ZBED4: variants seen among roughly 807,000 people sequenced by gnomAD.
The protein encoded by ZBED4 is zinc finger BED domain-containing protein 4.
A neutral mutation model predicts 15.5 loss-of-function variants in ZBED4; 4 were observed. That is an observed-to-expected ratio of 0.26 (90% CI 0.13 to 0.59). The LOEUF is 0.59. ZBED4 is among the 20% of genes least tolerant of loss of function. ZBED4 has a pLI of 0.90. For synonymous variants in ZBED4, 692 were observed against 608.5 expected, an observed-to-expected ratio of 1.14 and a Z score of -2.02; for missense variants, 1,323 against 1,461.8, an observed-to-expected ratio of 0.91 and a Z score of 1.55.
intron 1 of ZBED4, among the ~76,000 whole-genome samples, chr22:49,879,620 T>G (rs947605459): frequency 1.4e-5 from 2 of 140,764 alleles, no homozygotes; most frequent in African/African-American, 5.0e-5. Flanking sequence ...GGTTGGTTTT[T>G]CTCCTGGTCA....
intron 1 of ZBED4, among the ~76,000 whole-genome samples, chr22:49,876,195 A>G (rs1452195408): frequency 6.6e-6 from 1 of 152,214 alleles, no homozygotes; most frequent in Non-Finnish European, 1.5e-5. Flanking sequence ...TTTATTGTCC[A>G]GAGAAGAGTC....
Position 49,885,906 on chromosome 22 carries a change from C to G in ZBED4, c.2244C>G (p.Ala748=). 2 of 1,016,778 alleles carry G rather than the reference C, an allele frequency of 2.0e-6. No homozygotes were observed. Among genetic ancestry groups the G allele is most frequent in the Non-Finnish European group, 3.1e-6 (2 of 653,630 alleles). 63.0% of individuals were successfully genotyped at this position (1,016,778 alleles called of 1,614,324 possible). Residue 748 remains alanine (A), a synonymous_variant, in exon 2 of 2, where the codon GCC becomes GCG. Transcript: ENST00000216268. ...NQTREYLTLT[A]HWVSFESPAR... ...CCCGTGAGTACCTGACCCTCACGGC[C>G]CACTGGGTTTCCTTCGAGTCGCCAG...
intron 1 of ZBED4, among the ~76,000 whole-genome samples, chr22:49,871,389 G>A (rs1020401969): frequency 9.9e-5 from 15 of 152,066 alleles, no homozygotes; most frequent in Non-Finnish European, 2.1e-4. Context: ...AGGAGGCTGA[G>A]GCAGGAGAAA....
In ZBED4 at chr22:49,885,427, G is replaced by C; in HGVS notation, c.1765G>C (p.Gly589Arg). The C allele has an allele frequency of 1.2e-6, 2 of 1,609,050 alleles. No homozygotes were observed. The highest frequency in any genetic ancestry group is 1.7e-6 in the Non-Finnish European group (2 of 1,175,734). ...CLHCGRTISR[G>R]KKPTNLGTSC... ...GCACTGTGGCCGGACCATCAGCCGG[G>C]GGAAGAAGCCGACTAACTTGGGTAC... Residue 589 changes from glycine to arginine, a missense_variant, in exon 2 of 2, where the codon GGG becomes CGG. Coordinates refer to ENST00000216268, the MANE Select transcript of ZBED4 (RefSeq NM_014838.3).
intron 1 of ZBED4, among the ~76,000 whole-genome samples, chr22:49,866,690 T>G (rs2060323677): frequency 6.6e-6 from 1 of 152,244 alleles, no homozygotes; most frequent in South Asian, 2.1e-4. Context: ...GATGTTTTTC[T>G]GCTCTTTAGT....
rs73891152 is a variant in ZBED4 at position 49,887,736 on chromosome 22, C to G, written c.*558C>G. 9 of 167,254 alleles carry G rather than the reference C, an allele frequency of 5.4e-5. No individual in the cohort carries two copies. Among genetic ancestry groups the G allele is most frequent in the Admixed American group, 5.2e-4 (8 of 15,274 alleles). The allele number at this position is 167,254 out of a possible 1,614,324, so 10.4% of individuals were successfully genotyped here. A position where few individuals can be genotyped will look rare whatever the true frequency, so the allele number is the denominator to read the frequency against. ...TATTCTGGAAGGTAACTGTTTACTACGACAGAGACGTGGCATTTGGAAACG... is the reference window on the plus strand; with the variant it reads ...TATTCTGGAAGGTAACTGTTTACTAGGACAGAGACGTGGCATTTGGAAACG... On this transcript the variant is annotated 3_prime_UTR_variant, in exon 2 of 2. Coordinates refer to ENST00000216268, the MANE Select transcript of ZBED4 (RefSeq NM_014838.3).
chr22:49,853,506 T>A (rs1282481493), upstream of ZBED4: 1 of 152,128 alleles, frequency 6.6e-6, no homozygotes, highest in Non-Finnish European at 1.5e-5. Context: ...GCCGAGCCGC[T>A]GCCAACTGCC....
At chr22:49,874,672 CTTTT>C (rs10636316) in intron 1 of ZBED4, among the ~76,000 whole-genome samples, 2 of 37,316 alleles carry the variant, frequency 5.4e-5, no homozygotes, top group Non-Finnish European at 4.4e-5. Context: ...CATGCCCAGC[CTTTT>C]TTTTTTTTTT....
At chr22:49,865,819 C>T (rs149905180) in intron 1 of ZBED4, among the ~76,000 whole-genome samples, 3 of 150,756 alleles carry the variant, frequency 2.0e-5, no homozygotes, top group Non-Finnish European at 4.4e-5. Flanking sequence ...TCATTGTGCT[C>T]GAAGGTCAGT....
chr22:49,884,366 T>C lies in ZBED4; in HGVS notation c.704T>C (p.Ile235Thr). 6.2e-7 allele frequency: 1 copy of C among 1,612,850 alleles called. No individual in the cohort carries two copies. The highest frequency in any genetic ancestry group is 8.5e-7 in the Non-Finnish European group (1 of 1,179,406). Residue 235 changes from isoleucine (I) to threonine (T), a missense_variant, in exon 2 of 2, where the codon ATC becomes ACC. Ile to Thr is a moderately conservative substitution (Grantham distance 89). Around this residue, in one of 6 missense-constraint regions of ZBED4, gnomAD observed 380 missense variants for 413.7 expected, o/e 0.92. Transcript: ENST00000216268. ...GTGTCTGTAGTTTCTTCTGAAGAAA[T>C]CTCCTCTGACATGTCCGTTTCGGAG... The part of the protein sequence containing the change: ...ESVSVVSSEE[I>T]SSDMSVSEKC...
intron 1 of ZBED4, among the ~76,000 whole-genome samples, chr22:49,861,201 CTTGT>C (rs1467842860): frequency 3.3e-5 from 5 of 151,984 alleles, no homozygotes; most frequent in Admixed American, 6.6e-5. Flanking sequence ...TCTGGTTTTT[CTTGT>C]TTGTTTGTTA....
rs1198056779 is a variant in ZBED4, at chr22:49,883,503, T to G, written c.-160T>G. On this transcript the variant is annotated 5_prime_UTR_variant, in exon 2 of 2. Transcript: ENST00000216268. ...TGTAAGACCATGAGTCACAGATTCT[T>G]TTTTTCAGTACTATTTATGATTAGC... is the stretch of plus-strand genomic sequence containing the variant. 6 of 1,046,610 alleles carry G rather than the reference T, an allele frequency of 5.7e-6. No individual in the cohort carries two copies. The highest frequency in any genetic ancestry group is 7.9e-6 in the Non-Finnish European group (6 of 760,012). The allele number at this position is 1,046,610 out of a possible 1,614,324, so 64.8% of individuals were successfully genotyped here. A position where few individuals can be genotyped will look rare whatever the true frequency, so the allele number is the denominator to read the frequency against.
In ZBED4 at chr22:49,884,028, G is replaced by C. The variant is rs2060423253; in HGVS notation, c.366G>C (p.Lys122Asn). The change falls in exon 2 of 2, where the codon AAG becomes AAC. Residue 122 changes from lysine to asparagine, a missense_variant. Lys to Asn is a moderately conservative substitution (Grantham distance 94). Around this residue, in one of 6 missense-constraint regions of ZBED4, gnomAD observed 380 missense variants for 413.7 expected, o/e 0.92. Transcript: ENST00000216268. ...CCAGGAAGAAGTCTCCAGCCTGGAA[G>C]CATTTTTTTATCTCTCCCCGAGACA... ...MSSRKKSPAW[K>N]HFFISPRDST... is the part of the protein sequence containing the mutation. The C allele has an allele frequency of 6.2e-7, 1 of 1,606,654 alleles. No individual in the cohort carries two copies. The highest frequency in any genetic ancestry group is 8.5e-7 in the Non-Finnish European group (1 of 1,177,690).
At chr22:49,881,002 T>C (rs1196361678) in intron 1 of ZBED4, among the ~76,000 whole-genome samples, 1 of 152,260 alleles carries the variant, frequency 6.6e-6, no homozygotes, top group Non-Finnish European at 1.5e-5. Context: ...TTTTATCTTA[T>C]TTCATGCTTT....
Position 49,888,350 on chromosome 22 carries a change from G to A in ZBED4, c.*1172G>A, listed in dbSNP as rs548950946. ...AAGTTGTTTTGTTGAAATACTGTACGTACGCTTAATCTAAATTTGCATTGA... is the reference window on the plus strand; with the variant it reads ...AAGTTGTTTTGTTGAAATACTGTACATACGCTTAATCTAAATTTGCATTGA... On this transcript the variant is annotated 3_prime_UTR_variant, in exon 2 of 2. Transcript: ENST00000216268. The A allele has an allele frequency of 2.6e-3, 430 of 167,090 alleles. 2 individuals carry two copies. Among genetic ancestry groups the A allele is most frequent in the Non-Finnish European group, 3.8e-3 (256 of 68,094 alleles). 10.4% of individuals were successfully genotyped at this position (167,090 alleles called of 1,614,324 possible).
chr22:49,863,812 T>G (rs189952636), intron 1 of ZBED4, among the ~76,000 whole-genome samples: 6 of 152,338 alleles, frequency 3.9e-5, no homozygotes, highest in Admixed American at 3.9e-4. Flanking sequence ...CATTTTCCTA[T>G]CAGCCTCCAG....
At chr22:49,866,136 A>ATTTCT (rs4058462) in intron 1 of ZBED4, among the ~76,000 whole-genome samples, 140,222 of 152,072 alleles carry the variant, frequency 0.92, 64,752 homozygotes, top group African/African-American at 0.98. Flanking sequence ...AGCCCAAAGG[A>ATTTCT]TTTAAGTCTA....
intron 1 of ZBED4, among the ~76,000 whole-genome samples, chr22:49,877,209 C>T (rs958546552): frequency 1.3e-5 from 2 of 148,174 alleles, no homozygotes; most frequent in African/African-American, 4.9e-5. Flanking sequence ...GGAAGTCTTG[C>T]TTTTTTATTC....
chr22:49,884,368 T>G lies in ZBED4; in HGVS notation c.706T>G (p.Ser236Ala). The part of the protein sequence containing the change: ...SVSVVSSEEI[S>A]SDMSVSEKCG... ...GTCTGTAGTTTCTTCTGAAGAAATCTCCTCTGACATGTCCGTTTCGGAGAA... is the reference window on the plus strand; with the variant it reads ...GTCTGTAGTTTCTTCTGAAGAAATCGCCTCTGACATGTCCGTTTCGGAGAA... The change falls in exon 2 of 2, where the codon TCC becomes GCC. Residue 236 changes from serine to alanine, a missense_variant. By Grantham distance (99) the Ser-to-Ala change is moderately conservative. Coordinates refer to ENST00000216268, the MANE Select transcript of ZBED4 (RefSeq NM_014838.3). 1 of 1,611,876 alleles carries G rather than the reference T, an allele frequency of 6.2e-7. No individual in the cohort carries two copies. The highest frequency in any genetic ancestry group is 8.5e-7 in the Non-Finnish European group (1 of 1,178,840).
Sources: allele counts gnomAD v4.1 joint callset (sites outside exome capture counted in the v4.1 genomes callset), GRCh38; gene constraint gnomAD v4.1.1; regional missense constraint gnomAD v4.1.1; transcripts MANE v1.5; gene names NCBI Gene and HGNC (gene_info 2026-07-23, HGNC 2026-07-21).